Variants in ATG14 observed in about 807,000 individuals in gnomAD.
The protein encoded by ATG14 is beclin 1-associated autophagy-related key regulator.
Under a neutral mutation model 60.4 loss-of-function variants are expected in ATG14, and 35 were observed. The observed-to-expected ratio is 0.58, with a 90% CI of 0.44 to 0.77. The LOEUF is 0.77. ATG14 is among the 30% of genes least tolerant of loss of function. The pLI is 0.00. For synonymous variants in ATG14, 234 were observed against 228.8 expected (o/e 1.02, Z -0.21); for missense variants, 647 against 626.3 (o/e 1.03, Z -0.35).
At chr14:55,392,167 G>C (rs1885229114) in intron 3 of ATG14, among the ~76,000 whole-genome samples, 2 of 152,154 alleles carry the variant, frequency 1.3e-5, no homozygotes, top group African/African-American at 4.8e-5. Context: ...GTCCATAATA[G>C]AGTTCGCACT....
At chr14:55,400,016 C>T (rs1346482852) in intron 1 of ATG14, among the ~76,000 whole-genome samples, 2 of 152,198 alleles carry the variant, frequency 1.3e-5, no homozygotes, top group Non-Finnish European at 2.9e-5. Context: ...ATGGCAAAAA[C>T]AGCAATTACT....
In ATG14 at chr14:55,369,294, C is replaced by T. The variant is rs115743276; in HGVS notation, c.*325G>A. On this transcript the variant is annotated 3_prime_UTR_variant, in exon 10 of 10. Transcript: ENST00000247178. ...GCACACTGACCCATATCTGTGGGCCCGGTGGCCCGGGCCCAGAGGGAACCC... is the reference window on the plus strand; with the variant it reads ...GCACACTGACCCATATCTGTGGGCCTGGTGGCCCGGGCCCAGAGGGAACCC... 324 of 195,134 alleles carry T rather than the reference C, an allele frequency of 1.7e-3. 6 individuals carry two copies. The highest frequency in any genetic ancestry group is 6.8e-3 in the African/African-American group (291 of 42,856). 12.1% of individuals were successfully genotyped at this position (195,134 alleles called of 1,614,324 possible).
chr14:55,367,535 G>T lies in ATG14; in HGVS notation c.*2084C>A. On this transcript the variant is annotated 3_prime_UTR_variant, in exon 10 of 10. Transcript: ENST00000247178. ...AGGCAAGCGGATCACCTGAAGTCAGGAGTTCAAGACCAGCCTGGCCAACAT... is the reference window on the plus strand; with the variant it reads ...AGGCAAGCGGATCACCTGAAGTCAGTAGTTCAAGACCAGCCTGGCCAACAT... 1 of 152,192 alleles carries T rather than the reference G, an allele frequency of 6.6e-6. No individual in the cohort carries two copies. The highest frequency in any genetic ancestry group is 6.5e-5 in the Admixed American group (1 of 15,270). The allele number at this position is 152,192 out of a possible 1,614,324, so 9.4% of individuals were successfully genotyped here.
chr14:55,393,788 A>G (rs1245904560), intron 3 of ATG14, among the ~76,000 whole-genome samples: 1 of 151,916 alleles, frequency 6.6e-6, no homozygotes. Context: ...CCTGGGCTTG[A>G]GCAATCCACC....
chr14:55,387,905 G>A (rs922005867), intron 4 of ATG14, among the ~76,000 whole-genome samples: 3 of 152,134 alleles, frequency 2.0e-5, no homozygotes, highest in Non-Finnish European at 4.4e-5. Flanking sequence ...AATGTGATCC[G>A]CCCGCCTCGG....
At chr14:55,384,794 T>C (rs1417369942) in intron 5 of ATG14, among the ~76,000 whole-genome samples, 1 of 152,140 alleles carries the variant, frequency 6.6e-6, no homozygotes. Context: ...AATCCTCAAT[T>C]AGAGCAGCCT....
chr14:55,391,754 G>A (rs1885222311), intron 3 of ATG14, among the ~76,000 whole-genome samples: 1 of 152,130 alleles, frequency 6.6e-6, no homozygotes, highest in African/African-American at 2.4e-5. Context: ...GCATCATCAC[G>A]CAAAGTCCTA....
chr14:55,372,624 TTTC>T (rs1884844964), intron 9 of ATG14, among the ~76,000 whole-genome samples: 1 of 150,540 alleles, frequency 6.6e-6, no homozygotes, highest in African/African-American at 2.4e-5. Context: ...CCTCCCTTCC[TTTC>T]TTCCCCAGTC....
chr14:55,389,998 A>G (rs1028471856), intron 4 of ATG14, among the ~76,000 whole-genome samples: 5 of 152,342 alleles, frequency 3.3e-5, no homozygotes, highest in Non-Finnish European at 7.3e-5. Flanking sequence ...GCATGGGCCA[A>G]TAATTATTAC....
rs560722730 is a variant in ATG14 at position 55,371,783 on chromosome 14, G to A, written c.1173-1858C>T. 1.3e-4 allele frequency among the ~76,000 whole-genome samples: 19 copies of A among 151,984 alleles called. 2 individuals are homozygous for A. The East Asian group carries it at 1.7e-3, about 14-fold the overall frequency. The stretch of plus-strand genomic sequence containing the variant: ...GGCGCCAGTGCACTCTAGCCTGGGC[G>A]ACAGAGCGAGACTCTGTCTCAAAAA... On this transcript the variant is annotated intron_variant, in intron 9 of 9. Coordinates refer to ENST00000247178, the MANE Select transcript of ATG14 (RefSeq NM_014924.5).
intron 9 of ATG14, among the ~76,000 whole-genome samples, chr14:55,374,107 TCAA>T (rs1318914112): frequency 1.3e-5 from 2 of 152,376 alleles, no homozygotes; most frequent in Middle Eastern, 3.4e-3. Flanking sequence ...CTTTTTTCCC[TCAA>T]CTACCAGCAA....
In ATG14 at chr14:55,369,849, C is replaced by T; in HGVS notation, c.1249G>A (p.Asp417Asn). ...CTGACGCGCTCATCTCCGCTCTCAT[C>T]TGATTCTCCAGCAACTCCGGGATCC... is the stretch of plus-strand genomic sequence containing the variant. ...FVDPGVAGES[D>N]ESGDERVSDE... The change falls in exon 10 of 10, where the codon GAT (aspartate) becomes AAT (asparagine). Residue 417 changes from aspartate (D) to asparagine (N), a missense_variant. Coordinates refer to ENST00000247178, the MANE Select transcript of ATG14 (RefSeq NM_014924.5). The T allele has an allele frequency of 2.5e-6, 4 of 1,614,202 alleles. No homozygotes were observed. The highest frequency in any genetic ancestry group is 3.4e-6 in the Non-Finnish European group (4 of 1,180,030).
intron 3 of ATG14, among the ~76,000 whole-genome samples, chr14:55,393,685 C>T (rs1461533791): frequency 6.6e-6 from 1 of 151,862 alleles, no homozygotes; most frequent in African/African-American, 2.4e-5. Flanking sequence ...GCTGGGACTA[C>T]AGGTATATAC....
chr14:55,368,226 CTTTT>C lies in ATG14; in HGVS notation c.*1389_*1392del, dbSNP rs552931513. The C allele has an allele frequency of 4.1e-5, 6 of 147,348 alleles. No individual in the cohort carries two copies. The highest frequency in any genetic ancestry group is 7.5e-5 in the Non-Finnish European group (5 of 66,244). 9.1% of individuals were successfully genotyped at this position (147,348 alleles called of 1,614,324 possible). ...AAATGATCTCCTGCTGAGGGAAATT[CTTTT>C]TTTTTTTGAGACGGAGTTTCGCTCT... On this transcript the variant is annotated 3_prime_UTR_variant, in exon 10 of 10. Transcript: ENST00000247178.
intron 1 of ATG14, among the ~76,000 whole-genome samples, chr14:55,409,297 G>A (rs1885535064): frequency 6.6e-6 from 1 of 152,206 alleles, no homozygotes; most frequent in Admixed American, 6.5e-5. Flanking sequence ...GTTTGGGAAA[G>A]AGGGACAGAG....
chr14:55,408,732 G>A (rs1885526790), intron 1 of ATG14, among the ~76,000 whole-genome samples: 1 of 152,118 alleles, frequency 6.6e-6, no homozygotes, highest in African/African-American at 2.4e-5. Context: ...GATTGTGCCA[G>A]TGCACTCCAG....
chr14:55,371,609 A>ATC (rs1289841839), intron 9 of ATG14, among the ~76,000 whole-genome samples: 3 of 151,988 alleles, frequency 2.0e-5, no homozygotes, highest in Non-Finnish European at 2.9e-5. Context: ...GATCGAGACC[A>ATC]TTGGCTAACA....
chr14:55,379,353 T>C (rs111594243), intron 7 of ATG14, among the ~76,000 whole-genome samples: 8,844 of 151,584 alleles, frequency 0.058, 325 homozygotes, highest in South Asian at 0.09. Flanking sequence ...CTGGGCAACA[T>C]AGGGAGACCC....
rs932260340 is a variant in ATG14 at position 55,370,053 on chromosome 14, CTA to C, written c.1173-130_1173-129del. ...CGCACACCCCATTCATTCCCCAAGT[CTA>C]TGCAGCACTCCGTGTTGACATATGA... On this transcript the variant is annotated intron_variant, in intron 9 of 9. Coordinates refer to ENST00000247178, the MANE Select transcript of ATG14 (RefSeq NM_014924.5). The C allele has an allele frequency of 6.1e-5, 49 of 798,146 alleles. No homozygotes were observed. In the African/African-American group the frequency reaches 8.0e-4, roughly 13 times the overall value. 49.4% of individuals were successfully genotyped at this position (798,146 alleles called of 1,614,324 possible). A position where few individuals can be genotyped will look rare whatever the true frequency, so the allele number is the denominator to read the frequency against.
Sources: gnomAD v4.1 joint callset for allele counts (sites outside exome capture counted in the v4.1 genomes callset) on GRCh38, gnomAD v4.1.1 for gene constraint, MANE v1.5 for transcripts, NCBI Gene and HGNC (gene_info 2026-07-23, HGNC 2026-07-21) for gene names.